The following CDH13 variants were observed in gnomAD, a reference collection of about 807,000 sequenced individuals.
The protein encoded by CDH13 is cadherin 13, also known as cadherin-13.
In CDH13, 24 loss-of-function variants were observed where a neutral mutation model predicts 63.8. The observed-to-expected ratio is 0.38, with a 90% CI of 0.27 to 0.53. CDH13 has a LOEUF of 0.53. CDH13 is among the 20% of genes least tolerant of loss of function. The pLI is 0.85. For missense variants in CDH13, 1,049 were observed against 903.1 expected (o/e 1.16, Z -2.07); for synonymous variants, 503 against 355.3 (o/e 1.42, Z -4.67).
chr16:83,249,487 G>T (rs915100119), intron 5 of CDH13, among the ~76,000 whole-genome samples: 7 of 152,124 alleles, frequency 4.6e-5, no homozygotes, highest in Admixed American at 1.3e-4. Context: ...CTCTGCTTGA[G>T]GCACTCTGAT....
At chr16:83,220,181 A>G (rs1323350449) in intron 5 of CDH13, among the ~76,000 whole-genome samples, 3 of 152,160 alleles carry the variant, frequency 2.0e-5, no homozygotes, top group Non-Finnish European at 4.4e-5. Flanking sequence ...TTTTCATCAT[A>G]CCCGCACTGA....
At chr16:83,139,137 C>T (rs1489104122) in intron 4 of CDH13, among the ~76,000 whole-genome samples, 1 of 152,124 alleles carries the variant, frequency 6.6e-6, no homozygotes, top group Non-Finnish European at 1.5e-5. Context: ...CCAGAGGTGA[C>T]AGATCCACCT....
At position 83,669,438 on chromosome 16, in the gene CDH13, T is replaced by C. The variant is rs556761231; in HGVS notation, c.1102-1352T>C. On this transcript the variant is annotated intron_variant, in intron 8 of 13. Coordinates refer to ENST00000567109, the MANE Select transcript of CDH13 (RefSeq NM_001257.5). The stretch of plus-strand genomic sequence containing the variant: ...GTGAGAAGAGAAGATAGAAGATAGG[T>C]AGACATTAAACAAGAATCACACGAA... Among the ~76,000 whole-genome samples the C allele has an allele frequency of 2.0e-5, 3 of 152,200 alleles. 1 individual carries two copies. The South Asian group carries it at 6.2e-4, about 32-fold the overall frequency.
intron 10 of CDH13, among the ~76,000 whole-genome samples, chr16:83,728,321 GTGTGTA>G (rs1168475588): frequency 7.1e-6 from 1 of 140,346 alleles, no homozygotes; most frequent in Admixed American, 7.4e-5. Context: ...CACTGGCTAT[GTGTGTA>G]TGTGTATGTG....
At chr16:83,158,670 T>G (rs185788399) in intron 4 of CDH13, among the ~76,000 whole-genome samples, 1 of 152,202 alleles carries the variant, frequency 6.6e-6, no homozygotes, top group African/African-American at 2.4e-5. Flanking sequence ...GTTAAACAGA[T>G]CCACGGTACA....
At chr16:83,394,224 A>C (rs984260662) in intron 6 of CDH13, among the ~76,000 whole-genome samples, 3 of 152,096 alleles carry the variant, frequency 2.0e-5, no homozygotes, top group African/African-American at 7.2e-5. Flanking sequence ...AAAACTGCAC[A>C]TGTACCCCTG....
intron 6 of CDH13, among the ~76,000 whole-genome samples, chr16:83,386,069 G>T (rs563635295): frequency 6.6e-6 from 1 of 152,330 alleles, no homozygotes; most frequent in South Asian, 2.1e-4. Context: ...TCTGAAAATA[G>T]AGTAAACAAC....
At chr16:83,085,556 T>C (rs900393643) in intron 3 of CDH13, among the ~76,000 whole-genome samples, 2 of 152,200 alleles carry the variant, frequency 1.3e-5, no homozygotes, top group Admixed American at 1.3e-4. Flanking sequence ...CCACTAGAAG[T>C]CTACTGTTTG....
At chr16:82,737,523 C>T (rs1478201177) in intron 1 of CDH13, among the ~76,000 whole-genome samples, 1 of 152,224 alleles carries the variant, frequency 6.6e-6, no homozygotes, top group Non-Finnish European at 1.5e-5. Flanking sequence ...TCAAAATGAT[C>T]TCAATATCAA....
At chr16:83,055,643 G>A (rs373490079) in intron 3 of CDH13, among the ~76,000 whole-genome samples, 18 of 151,886 alleles carry the variant, frequency 1.2e-4, no homozygotes, top group African/African-American at 4.3e-4. Context: ...AGTCCAGATG[G>A]CTTCATGGTA....
intron 10 of CDH13, among the ~76,000 whole-genome samples, chr16:83,679,626 T>C (rs1915240431): frequency 6.6e-6 from 1 of 152,156 alleles, no homozygotes; most frequent in Non-Finnish European, 1.5e-5. Context: ...ATAGCCATTC[T>C]TTTTTTTCTT....
intron 1 of CDH13, among the ~76,000 whole-genome samples, chr16:82,759,061 C>G (rs1284287079): frequency 2.0e-5 from 3 of 152,138 alleles, no homozygotes; most frequent in Admixed American, 6.5e-5. Context: ...AAGCAGCAAG[C>G]AAGTCAGTCC....
intron 3 of CDH13, among the ~76,000 whole-genome samples, chr16:83,056,078 C>G (rs1279723991): frequency 6.6e-6 from 1 of 152,152 alleles, no homozygotes; most frequent in Non-Finnish European, 1.5e-5. Context: ...AGGATATCTA[C>G]ATGACCACTA....
chr16:83,438,237 C>T (rs2072375083), intron 6 of CDH13, among the ~76,000 whole-genome samples: 1 of 152,216 alleles, frequency 6.6e-6, no homozygotes. Flanking sequence ...AATATTTGGT[C>T]TTTGGTATTC....
rs149331980 is a variant in CDH13, at chr16:83,032,773, C to T, written c.366+555C>T. ...TCGGTCACATTTCTTTTCCTGAAGC[C>T]AGGGCAGAGTCAGCCCTATTCACCT... On this transcript the variant is annotated intron_variant, in intron 3 of 13. Coordinates refer to ENST00000567109, the MANE Select transcript of CDH13 (RefSeq NM_001257.5). Among the ~76,000 whole-genome samples the T allele has an allele frequency of 5.9e-5, 9 of 152,256 alleles. No homozygotes were observed. In the East Asian group the frequency reaches 1.7e-3, roughly 29 times the overall value.
intron 5 of CDH13, among the ~76,000 whole-genome samples, chr16:83,223,084 G>T (rs1169764500): frequency 1.3e-5 from 2 of 152,178 alleles, no homozygotes; most frequent in African/African-American, 2.4e-5. Context: ...GAGAACCACT[G>T]TTAGAGAGAA....
intron 13 of CDH13, among the ~76,000 whole-genome samples, chr16:83,786,315 T>A (rs760636074): frequency 4.6e-5 from 7 of 152,156 alleles, no homozygotes; most frequent in Non-Finnish European, 7.4e-5. Flanking sequence ...ACGTGTTAAT[T>A]GCAGTGGTAG....
chr16:83,714,837 T>C (rs1420249679), intron 10 of CDH13, among the ~76,000 whole-genome samples: 1 of 152,170 alleles, frequency 6.6e-6, no homozygotes, highest in African/African-American at 2.4e-5. Context: ...CTATCTTCGA[T>C]GAGAATGGGT....
At chr16:82,851,411 G>T (rs977775417) in intron 1 of CDH13, among the ~76,000 whole-genome samples, 1 of 146,528 alleles carries the variant, frequency 6.8e-6, no homozygotes, top group East Asian at 2.0e-4. Context: ...CTCCAGCCTG[G>T]GTGACAGAGT....
Sources: allele counts gnomAD v4.1 joint callset (sites outside exome capture counted in the v4.1 genomes callset), GRCh38; gene constraint gnomAD v4.1.1; transcripts MANE v1.5; gene names NCBI Gene and HGNC (gene_info 2026-07-23, HGNC 2026-07-21).